The following DLG1 variants were observed in gnomAD, a reference collection of about 807,000 sequenced individuals.
DLG1 encodes the protein disks large homolog 1.
In DLG1, 42 loss-of-function variants were observed where a neutral mutation model predicts 123.4. The observed-to-expected ratio is 0.34, with a 90% CI of 0.27 to 0.44. The LOEUF (loss-of-function observed/expected upper bound fraction) is 0.44. DLG1 is among the 20% of genes least tolerant of loss of function. DLG1 has a pLI of 1.00. For missense variants in DLG1, 942 were observed against 1,082.6 expected (o/e 0.87, Z 1.82); for synonymous variants, 317 against 356.2 (o/e 0.89, Z 1.24).
chr3:197,230,369 G>A lies in DLG1; in HGVS notation c.319-35780C>T, dbSNP rs9837461. Among the ~76,000 whole-genome samples, 113 of 152,156 alleles carry A rather than the reference G, an allele frequency of 7.4e-4. 1 individual carries two copies. Among genetic ancestry groups the A allele is most frequent in the African/African-American group, 2.5e-3 (105 of 41,514 alleles). On this transcript the variant is annotated intron_variant, in intron 4 of 24. Transcript: ENST00000667157. ...CACTGTCAACTGAAATCTTATAAAAGGGTTAAAATACAAGAGCAACACCCA... is the reference window on the plus strand; with the variant it reads ...CACTGTCAACTGAAATCTTATAAAAAGGTTAAAATACAAGAGCAACACCCA...
chr3:197,236,084 T>C (rs1578472552), intron 4 of DLG1, among the ~76,000 whole-genome samples: 1 of 152,030 alleles, frequency 6.6e-6, no homozygotes, highest in Non-Finnish European at 1.5e-5. Context: ...GAGCCCAAGG[T>C]AGGCAGACTG....
chr3:197,294,275 A>T (rs6782876), intron 3 of DLG1, among the ~76,000 whole-genome samples: 1 of 152,156 alleles, frequency 6.6e-6, no homozygotes, highest in Admixed American at 6.5e-5. Context: ...AACATTAAAT[A>T]TAAGTAAATT....
chr3:197,182,143 A>AT (rs202017965), intron 5 of DLG1, among the ~76,000 whole-genome samples: 19,742 of 152,052 alleles, frequency 0.13, 1,710 homozygotes, highest in South Asian at 0.34. Context: ...ATATATATAT[A>AT]AAAAGTTCTA....
chr3:197,293,724 C>A (rs370561116), intron 3 of DLG1, among the ~76,000 whole-genome samples: 1 of 151,970 alleles, frequency 6.6e-6, no homozygotes, highest in African/African-American at 2.4e-5. Flanking sequence ...TCCAAAGACA[C>A]TTGGCACCCC....
chr3:197,297,063 CA>C, intron 2 of DLG1, 122 bp downstream of exon 2: 1 of 1,020,986 alleles, frequency 9.8e-7, no homozygotes, highest in Non-Finnish European at 1.5e-6. Flanking sequence ...ATTCCCTAAG[CA>C]ATAAAGCTAG....
intron 4 of DLG1, among the ~76,000 whole-genome samples, chr3:197,223,720 T>A (rs1197512745): frequency 6.6e-6 from 1 of 152,248 alleles, no homozygotes; most frequent in Non-Finnish European, 1.5e-5. Flanking sequence ...TTTACCCTTA[T>A]TGTCTCAAGC....
chr3:197,114,700 C>T (rs1017492987), intron 13 of DLG1, among the ~76,000 whole-genome samples: 4 of 152,012 alleles, frequency 2.6e-5, no homozygotes, highest in Non-Finnish European at 4.4e-5. Flanking sequence ...GGGAAATTTT[C>T]GGCCAGGTGC....
In DLG1 at chr3:197,085,471, T is replaced by C. The variant is rs73084508; in HGVS notation, c.1838+109A>G. The C allele has an allele frequency of 2.4e-3, 2,633 of 1,118,534 alleles. 41 individuals are homozygous for C. The African/African-American group carries it at 0.034, about 15-fold the overall frequency. 69.3% of individuals were successfully genotyped at this position (1,118,534 alleles called of 1,614,324 possible). ...CTTTCTGTGTCTGGCTTTTTTCAAT[T>C]AGAATAATGCACTCCAGGTCCATCC... On this transcript the variant is annotated intron_variant, in intron 16 of 24. Coordinates refer to ENST00000667157, the MANE Select transcript of DLG1 (RefSeq NM_001366207.1).
Position 197,138,196 on chromosome 3 carries a change from T to C in DLG1, c.883+26A>G, listed in dbSNP as rs200588774. 2.5e-4 allele frequency: 342 copies of C among 1,389,562 alleles called. 1 individual carries two copies. Among genetic ancestry groups the C allele is most frequent in the Non-Finnish European group, 3.0e-4 (315 of 1,038,628 alleles). 86.1% of individuals were successfully genotyped at this position (1,389,562 alleles called of 1,614,324 possible). On this transcript the variant is annotated intron_variant, in intron 9 of 24. Coordinates refer to ENST00000667157, the MANE Select transcript of DLG1 (RefSeq NM_001366207.1). ...TTTAACTCAGAGATTTCTTAAAGAT[T>C]TATCTTAGTTTGACTTACCACATAC...
chr3:197,287,560 A>T (rs570489677), intron 3 of DLG1, among the ~76,000 whole-genome samples: 6 of 152,290 alleles, frequency 3.9e-5, no homozygotes, highest in African/African-American at 1.4e-4. Flanking sequence ...GTAACACGGG[A>T]AGTTATTTGC....
At chr3:197,284,383 A>G (rs1770816279) in intron 3 of DLG1, among the ~76,000 whole-genome samples, 1 of 152,200 alleles carries the variant, frequency 6.6e-6, no homozygotes, top group Non-Finnish European at 1.5e-5. Flanking sequence ...TAATGCTTCA[A>G]AAGTCATCTC....
intron 23 of DLG1, among the ~76,000 whole-genome samples, chr3:197,053,558 G>C (rs1460303109): frequency 1.3e-5 from 2 of 151,864 alleles, no homozygotes; most frequent in Admixed American, 6.6e-5. Context: ...GATCACCTGA[G>C]GTCAGGACTT....
chr3:197,278,465 A>G (rs1402837496), intron 4 of DLG1, among the ~76,000 whole-genome samples: 1 of 151,594 alleles, frequency 6.6e-6, no homozygotes, highest in African/African-American at 2.4e-5. Flanking sequence ...AGTGAGACAC[A>G]GTTTCTAAAA....
chr3:197,065,778 T>C lies in DLG1; in HGVS notation c.2130A>G (p.Gly710=), dbSNP rs1326788882. Residue 710 remains glycine, a synonymous_variant, in exon 21 of 25, where the codon GGA becomes GGG. Transcript: ENST00000667157. ...CATCATTTATCCTGTCTTTCATAGG[T>C]CCCAATATGATCACTGGTCGAGTAT... is the stretch of plus-strand genomic sequence containing the variant. ...VNYTRPVIIL[G]PMKDRINDDL... is the part of the protein sequence containing the mutation. 6 of 1,609,054 alleles carry C rather than the reference T, an allele frequency of 3.7e-6. No individual in the cohort carries two copies. The highest frequency in any genetic ancestry group is 5.1e-6 in the Non-Finnish European group (6 of 1,176,510).
Position 197,130,388 on chromosome 3 carries a change from A to T in DLG1, c.1165+139T>A, listed in dbSNP as rs1781892588. Reference sequence around the variant, plus strand: ...GACTTAAAGTAGATTTTAAAAAATGAGTAGATTAACATGCTTAATTGTTTC... The same window carrying T: ...GACTTAAAGTAGATTTTAAAAAATGTGTAGATTAACATGCTTAATTGTTTC... On this transcript the variant is annotated intron_variant, in intron 11 of 24. Coordinates refer to ENST00000667157, the MANE Select transcript of DLG1 (RefSeq NM_001366207.1). The T allele has an allele frequency of 6.9e-6, 5 of 724,696 alleles. 1 individual carries two copies. In the Admixed American group the frequency reaches 2.1e-4, roughly 30 times the overall value. The allele number at this position is 724,696 out of a possible 1,614,324, so 44.9% of individuals were successfully genotyped here. A position where few individuals can be genotyped will look rare whatever the true frequency, so the allele number is the denominator to read the frequency against.
intron 1 of DLG1, chr3:197,298,048 GC>G: frequency 2.0e-6 from 1 of 506,156 alleles, no homozygotes; most frequent in Non-Finnish European, 2.6e-6. Flanking sequence ...AGTTGCTGCC[GC>G]ACGCCCCACC....
chr3:197,292,044 T>G (rs532939215), intron 3 of DLG1, among the ~76,000 whole-genome samples: 110 of 152,290 alleles, frequency 7.2e-4, no homozygotes, highest in African/African-American at 2.6e-3. Context: ...GCAATCACTA[T>G]GGAAAACATT....
At chr3:197,246,734 A>C (rs528995782) in intron 4 of DLG1, among the ~76,000 whole-genome samples, 6 of 152,340 alleles carry the variant, frequency 3.9e-5, no homozygotes, top group African/African-American at 1.4e-4. Flanking sequence ...GCGCTAAGAC[A>C]GGAATAGCGA....
chr3:197,057,015 T>C (rs763016647), intron 23 of DLG1, among the ~76,000 whole-genome samples: 20 of 152,348 alleles, frequency 1.3e-4, no homozygotes, highest in Non-Finnish European at 4.4e-5. Flanking sequence ...GAACATGTCA[T>C]AATTTATTTA....
Sources: allele counts gnomAD v4.1 joint callset (sites outside exome capture counted in the v4.1 genomes callset), GRCh38; gene constraint gnomAD v4.1.1; transcripts MANE v1.5; gene names NCBI Gene and HGNC (gene_info 2026-07-23, HGNC 2026-07-21).